NLRP5: variants seen among roughly 807,000 people sequenced by gnomAD.
NLRP5 encodes NLR family pyrin domain containing 5, also known as NACHT, LRR and PYD domains-containing protein 5.
A neutral mutation model predicts 113.1 loss-of-function variants in NLRP5; 93 were observed. The observed-to-expected ratio is 0.82, with a 90% CI of 0.70 to 0.98. NLRP5 has a LOEUF of 0.98. Among genes scored for constraint, NLRP5 ranks in the 50% least tolerant of loss-of-function variants. The probability of loss-of-function intolerance (pLI) is 0.00; values close to 1 mark genes in which losing one functional copy is unlikely to be tolerated. For synonymous variants in NLRP5, 751 were observed against 600.7 expected (o/e 1.25, Z -3.66); for missense variants, 1,808 against 1,514.3 (o/e 1.19, Z -3.22).
rs1022622567 is a variant in NLRP5 at position 56,048,869 on chromosome 19, T to A, written c.2958-1549T>A. On this transcript the variant is annotated intron_variant, in intron 11 of 14. Transcript: ENST00000390649. ...ATACCAATTATTCTTAGGTTTGCAT[T>A]TAACATAATCCCAGACTTCTGGAGG... is the stretch of plus-strand genomic sequence containing the variant. 3.3e-5 allele frequency among the ~76,000 whole-genome samples: 5 copies of A among 151,468 alleles called. 1 individual carries two copies. Among genetic ancestry groups the A allele is most frequent in the African/African-American group, 4.8e-5 (2 of 41,322 alleles).
intron 11 of NLRP5, among the ~76,000 whole-genome samples, chr19:56,045,273 C>T (rs1365257203): frequency 6.6e-6 from 1 of 152,068 alleles, no homozygotes. Flanking sequence ...GCATCCTTGT[C>T]TTTGTTATGC....
intron 6 of NLRP5, 55 bp from the exon 7 acceptor site, chr19:56,026,858 G>A (rs937334501): frequency 8.0e-6 from 12 of 1,502,984 alleles, no homozygotes; most frequent in East Asian, 2.5e-5. Flanking sequence ...TGACAGGTGC[G>A]AGCCACTGTG....
chr19:56,024,757 CA>C (rs572425329), intron 6 of NLRP5, among the ~76,000 whole-genome samples: 2,676 of 141,314 alleles, frequency 0.019, 69 homozygotes, highest in African/African-American at 0.063. Flanking sequence ...AACTGTGTCT[CA>C]AAAAAAAAAA....
intron 11 of NLRP5, among the ~76,000 whole-genome samples, chr19:56,049,478 GC>G (rs1983851896): frequency 6.6e-6 from 1 of 151,994 alleles, no homozygotes; most frequent in Admixed American, 6.6e-5. Flanking sequence ...ACCGTGCCCA[GC>G]CTGTATTTTT....
chr19:56,060,500 G>A (rs1205515834), intron 14 of NLRP5, among the ~76,000 whole-genome samples: 1 of 152,040 alleles, frequency 6.6e-6, no homozygotes, highest in Admixed American at 6.6e-5. Flanking sequence ...ATCTGCTCTA[G>A]TAGTTTTGCT....
At chr19:56,049,467 CA>C (rs1294281070) in intron 11 of NLRP5, among the ~76,000 whole-genome samples, 1 of 152,114 alleles carries the variant, frequency 6.6e-6, no homozygotes, top group African/African-American at 2.4e-5. Flanking sequence ...AGGCATGAGC[CA>C]CCGTGCCCAG....
At chr19:55,986,814 T>A in the NLRP5 span, among the ~76,000 whole-genome samples, 1 of 152,004 alleles carries the variant, frequency 6.6e-6, no homozygotes, top group African/African-American at 2.4e-5. Context: ...TGGTGAGGTG[T>A]GAAGCTGGTG....
At chr19:56,032,145 G>A (rs1172894442) in intron 7 of NLRP5, among the ~76,000 whole-genome samples, 1 of 152,050 alleles carries the variant, frequency 6.6e-6, no homozygotes, top group Non-Finnish European at 1.5e-5. Flanking sequence ...AGGAGTTCGA[G>A]ACCATCCTGG....
chr19:56,035,365 G>A (rs571068160), intron 9 of NLRP5, among the ~76,000 whole-genome samples: 3 of 152,300 alleles, frequency 2.0e-5, no homozygotes, highest in Admixed American at 1.3e-4. Context: ...TGTAACCCAG[G>A]GAAATTAGCC....
chr19:55,994,112 G>T, the NLRP5 span, among the ~76,000 whole-genome samples: 1 of 152,060 alleles, frequency 6.6e-6, no homozygotes, highest in East Asian at 1.9e-4. Context: ...TTCTTTCTCT[G>T]CATCCTTGCC....
chr19:55,996,940 A>T (rs1163737732), upstream of NLRP5, among the ~76,000 whole-genome samples: 2 of 152,174 alleles, frequency 1.3e-5, no homozygotes, highest in African/African-American at 2.4e-5. Context: ...GAACTAGTTT[A>T]CAGTCCCACC....
chr19:56,041,841 C>A (rs144391498), intron 11 of NLRP5, among the ~76,000 whole-genome samples: 1 of 152,174 alleles, frequency 6.6e-6, no homozygotes, highest in African/African-American at 2.4e-5. Flanking sequence ...CCCAGCGACT[C>A]AGGAGGCTGA....
chr19:56,030,777 C>A (rs139203994), intron 7 of NLRP5, among the ~76,000 whole-genome samples: 5 of 123,350 alleles, frequency 4.1e-5, no homozygotes, highest in East Asian at 2.8e-4. Flanking sequence ...TGCAGTGGTG[C>A]GATCTCAGCT....
rs764078123 is a variant in NLRP5, at chr19:56,061,456, C to A, written c.3531C>A (p.Leu1177=). The A allele has an allele frequency of 8.1e-6, 13 of 1,613,892 alleles. No individual in the cohort carries two copies. The South Asian group carries it at 1.4e-4, about 18-fold the overall frequency. The change falls in exon 15 of 15, where the codon CTC becomes CTA. Residue 1177 remains leucine, a synonymous_variant. Transcript: ENST00000390649. ...AGCTGCTGGAGGAAGTGCAGCTACT[C>A]AAGCCCCGAGTCGTAATTGACGGTA...
upstream of NLRP5, among the ~76,000 whole-genome samples, chr19:55,998,710 GTGTGTA>G (rs1981459578): frequency 1.0e-4 from 7 of 67,822 alleles, no homozygotes; most frequent in Admixed American, 4.9e-4. Context: ...ATATGTGTGT[GTGTGTA>G]TATATATATA....
chr19:56,005,093 CAAAA>C (rs1163132309), intron 2 of NLRP5, among the ~76,000 whole-genome samples: 8 of 76,426 alleles, frequency 1.0e-4, no homozygotes, highest in East Asian at 7.3e-4. Context: ...GACTGTGTCT[CAAAA>C]AAAAAAAAAA....
intron 13 of NLRP5, among the ~76,000 whole-genome samples, chr19:56,054,335 A>T (rs1414666351): frequency 6.6e-6 from 1 of 152,200 alleles, no homozygotes; most frequent in Non-Finnish European, 1.5e-5. Context: ...AGGTGGGCAG[A>T]TCACTTGAGG....
chr19:56,061,288 A>G, intron 14 of NLRP5, 108 bp from the exon 15 acceptor site: 1 of 1,201,482 alleles, frequency 8.3e-7, no homozygotes, highest in Middle Eastern at 2.9e-4. Flanking sequence ...GTTCCTTAAG[A>G]GTACAAGAAA....
chr19:55,993,150 G>A, the NLRP5 span, among the ~76,000 whole-genome samples: 2 of 151,714 alleles, frequency 1.3e-5, no homozygotes, highest in African/African-American at 2.4e-5. Context: ...CGCCCGGCCC[G>A]AGTGATATTT....
Sources: gnomAD v4.1 joint callset for allele counts (sites outside exome capture counted in the v4.1 genomes callset) on GRCh38, gnomAD v4.1.1 for gene constraint, MANE v1.5 for transcripts, NCBI Gene and HGNC (gene_info 2026-07-23, HGNC 2026-07-21) for gene names.